SBK1: variants seen among roughly 807,000 people sequenced by gnomAD.
SBK1 encodes serine/threonine-protein kinase SBK1.
Under a neutral mutation model 24.4 loss-of-function variants are expected in SBK1, and 11 were observed. The observed-to-expected ratio is 0.45, with a 90% confidence interval of 0.28 to 0.75. The LOEUF is 0.75. SBK1 is among the 30% of genes least tolerant of loss of function. The pLI is 0.12. For synonymous variants in SBK1, 308 were observed against 284.4 expected (o/e 1.08, Z -0.83); for missense variants, 467 against 620.5 (o/e 0.75, Z 2.63).
At chr16:28,260,984 G>A (rs2044393820) in intron 1 of SBK1, among the ~76,000 whole-genome samples, 1 of 152,134 alleles carries the variant, frequency 6.6e-6, no homozygotes, top group Non-Finnish European at 1.5e-5. Flanking sequence ...CGGCAAGAGG[G>A]AAGGCTTGGT....
intron 1 of SBK1, among the ~76,000 whole-genome samples, chr16:28,263,080 T>C (rs2044407051): frequency 1.3e-5 from 2 of 152,208 alleles, no homozygotes. Flanking sequence ...TCTGCCCACA[T>C]GCATTGGCCA....
chr16:28,292,493 G>C, upstream of SBK1: 5 of 972,074 alleles, frequency 5.1e-6, no homozygotes, highest in Non-Finnish European at 6.1e-6. Context: ...GGCCGGGCGG[G>C]CAGGTGCGCG....
Position 28,317,234 on chromosome 16 carries a change from G to A in SBK1, c.-7-151G>A, listed in dbSNP as rs762299587. On this transcript the variant is annotated intron_variant, in intron 1 of 3. Transcript: ENST00000341901. This position sits in a 1 kb window ranked among gnomAD's most constrained non-coding sequence, Gnocchi z 4.2. ...CCTGAGGCTTTGGGGAAGGCGACGC[G>A]ACCAAGATGCTTGTCGCCCCCTTGT... Among the ~76,000 whole-genome samples the A allele has an allele frequency of 1.3e-5, 2 of 152,102 alleles. No individual in the cohort carries two copies. The highest frequency in any genetic ancestry group is 2.1e-4 in the South Asian group (1 of 4,818).
intron 1 of SBK1, among the ~76,000 whole-genome samples, chr16:28,295,452 C>T (rs1192042809): frequency 1.3e-5 from 2 of 152,136 alleles, no homozygotes; most frequent in Non-Finnish European, 2.9e-5. Context: ...TAGTAGAGAG[C>T]TGAATTTGAT....
upstream of SBK1, chr16:28,292,276 G>A (rs1484207547): frequency 1.7e-5 from 2 of 117,136 alleles, no homozygotes; most frequent in Non-Finnish European, 3.6e-5. Context: ...GGGGGGTGGG[G>A]GGTGGGAGCC....
At position 28,317,523 on chromosome 16, in the gene SBK1, G is replaced by T. The variant is rs2044806438; in HGVS notation, c.132G>T (p.Leu44=). ...EDMQALTLRT[L]AASDVTKHYE... ...TGCAGGCCCTGACTCTCCGCACACT[G>T]GCCGCCAGCGACGTCACCAAGCACT... The change falls in exon 2 of 4, where the codon CTG becomes CTT. Residue 44 remains leucine, a synonymous_variant. Transcript: ENST00000341901. This position sits in a 1 kb window ranked among gnomAD's most constrained non-coding sequence, Gnocchi z 4.2. 3 of 1,614,076 alleles carry T rather than the reference G, an allele frequency of 1.9e-6. No individual in the cohort carries two copies. The highest frequency in any genetic ancestry group is 2.5e-6 in the Non-Finnish European group (3 of 1,180,046).
intron 1 of SBK1, among the ~76,000 whole-genome samples, chr16:28,298,335 A>G (rs2044655333): frequency 6.6e-6 from 1 of 152,208 alleles, no homozygotes; most frequent in Non-Finnish European, 1.5e-5. Flanking sequence ...TCAAGTGCTC[A>G]GTGCTGGACA....
intron 1 of SBK1, among the ~76,000 whole-genome samples, chr16:28,302,734 T>G (rs571585057): frequency 6.6e-6 from 1 of 152,308 alleles, no homozygotes; most frequent in East Asian, 1.9e-4. Flanking sequence ...CCTCAGAGGT[T>G]AATTCATTTA....
chr16:28,294,541 C>T (rs939611362), intron 1 of SBK1, among the ~76,000 whole-genome samples: 3 of 152,350 alleles, frequency 2.0e-5, no homozygotes, highest in African/African-American at 7.2e-5. Context: ...TTCCTATCTC[C>T]TTTCTTGATG....
At chr16:28,308,090 C>T (rs1047261649) in intron 1 of SBK1, among the ~76,000 whole-genome samples, 5 of 152,176 alleles carry the variant, frequency 3.3e-5, no homozygotes, top group Non-Finnish European at 5.9e-5. Context: ...TTGTCACTGT[C>T]CTGGTTAACC....
chr16:28,312,292 G>T (rs923239651), intron 1 of SBK1, among the ~76,000 whole-genome samples: 2 of 152,254 alleles, frequency 1.3e-5, no homozygotes, highest in African/African-American at 4.8e-5. Flanking sequence ...GCCTCTCCCT[G>T]CTGGTGTTGC....
chr16:28,322,931 C>CTCTCTCTCTCTCTCTCT lies in SBK1; in HGVS notation c.*2010_*2011insTCTCTCTCTCTCTCTCT, dbSNP rs1184425008. 1.8e-5 allele frequency: 1 copy of CTCTCTCTCTCTCTCTCT among 55,352 alleles called. No individual in the cohort carries two copies. The highest frequency in any genetic ancestry group is 3.6e-5 in the Non-Finnish European group (1 of 28,018). The allele number at this position is 55,352 out of a possible 1,614,324, so 3.4% of individuals were successfully genotyped here. ...CTCTCTCGCGCGCGCTCTCTCTCTC[C>CTCTCTCTCTCTCTCTCT]CTCTCTCTCTCTCTCTCTCTCTCTC... On this transcript the variant is annotated 3_prime_UTR_variant, in exon 4 of 4. Coordinates refer to ENST00000341901, the MANE Select transcript of SBK1 (RefSeq NM_001024401.3).
intron 1 of SBK1, among the ~76,000 whole-genome samples, chr16:28,297,674 T>TA (rs2044650207): frequency 6.6e-6 from 1 of 152,184 alleles, no homozygotes; most frequent in East Asian, 1.9e-4. Flanking sequence ...TTAAGCAGGC[T>TA]AAAGAATGGA....
chr16:28,306,176 AC>A (rs1272758770), intron 1 of SBK1, among the ~76,000 whole-genome samples: 2 of 151,662 alleles, frequency 1.3e-5, no homozygotes, highest in Non-Finnish European at 2.9e-5. Context: ...GGAAAGAGGG[AC>A]CCTCTCACCC....
intron 1 of SBK1, among the ~76,000 whole-genome samples, chr16:28,315,161 C>G (rs1262025219): frequency 1.3e-5 from 2 of 151,718 alleles, no homozygotes; most frequent in African/African-American, 2.4e-5. Flanking sequence ...GGCTCATCCC[C>G]CATAGTCTAC....
chr16:28,284,714 T>C (rs1453000569), intron 1 of SBK1, among the ~76,000 whole-genome samples: 1 of 152,050 alleles, frequency 6.6e-6, no homozygotes, highest in Non-Finnish European at 1.5e-5. Flanking sequence ...CCATGGCGAG[T>C]GGATCACTTG....
chr16:28,292,276 G>GGGTGGGA (rs1328574335), upstream of SBK1: 1 of 117,136 alleles, frequency 8.5e-6, no homozygotes, highest in African/African-American at 3.1e-5. Flanking sequence ...GGGGGGTGGG[G>GGGTGGGA]GGTGGGAGCC....
intron 1 of SBK1, among the ~76,000 whole-genome samples, chr16:28,307,406 A>C (rs2044724754): frequency 6.6e-6 from 1 of 152,212 alleles, no homozygotes; most frequent in African/African-American, 2.4e-5. Context: ...CAAAAGCTTA[A>C]CCACTATGCT....
intron 1 of SBK1, among the ~76,000 whole-genome samples, chr16:28,312,958 A>C (rs185692249): frequency 6.6e-6 from 1 of 152,242 alleles, no homozygotes; most frequent in East Asian, 1.9e-4. Context: ...ACATGGAGAA[A>C]CCCTGTCTCT....
Sources: allele counts gnomAD v4.1 joint callset (sites outside exome capture counted in the v4.1 genomes callset), GRCh38; gene constraint gnomAD v4.1.1; non-coding constraint Gnocchi (gnomAD v3.1); transcripts MANE v1.5; gene names NCBI Gene and HGNC (gene_info 2026-07-23, HGNC 2026-07-21).